The following UBE2D3 variants were observed in gnomAD, a reference collection of about 807,000 sequenced individuals.
The protein encoded by UBE2D3 is ubiquitin-conjugating enzyme E2 D3.
Under a neutral mutation model 22.8 loss-of-function variants are expected in UBE2D3, and 2 were observed. The ratio of observed to expected loss-of-function variants is 0.09; its 90% CI spans 0.04 to 0.28. The LOEUF is 0.28. UBE2D3 is among the 10% of genes least tolerant of loss of function. UBE2D3 has a pLI of 1.00. For missense variants in UBE2D3, 27 were observed against 182.5 expected (o/e 0.15, Z 4.91); for synonymous variants, 56 against 60.4 (o/e 0.93, Z 0.34).
chr4:102,825,498 C>G lies in UBE2D3; in HGVS notation c.24+987G>C, dbSNP rs1730313042. On this transcript the variant is annotated intron_variant, in intron 2 of 7. Coordinates refer to ENST00000453744, the MANE Select transcript of UBE2D3 (RefSeq NM_181891.3). ...TTCACATTATTACGAAAGGAGATGC[C>G]GGAAAGAGCCTGAACCAGTTAAAGC... 5 of 1,149,786 alleles carry G rather than the reference C, an allele frequency of 4.3e-6. No individual in the cohort carries two copies. In the South Asian group the frequency reaches 7.2e-5, roughly 16 times the overall value. 71.2% of individuals were successfully genotyped at this position (1,149,786 alleles called of 1,614,324 possible).
upstream of UBE2D3, chr4:102,828,230 G>A: frequency 2.0e-6 from 2 of 985,474 alleles, no homozygotes; most frequent in Non-Finnish European, 2.4e-6. Flanking sequence ...CGCCCAATCA[G>A]GAGCGTGTGG....
intron 7 of UBE2D3, chr4:102,799,002 T>C (rs1725694955): frequency 6.3e-7 from 1 of 1,598,004 alleles, no homozygotes; most frequent in Admixed American, 1.7e-5. Context: ...ACACTTAGCA[T>C]TAATTATAAC....
intron 7 of UBE2D3, among the ~76,000 whole-genome samples, chr4:102,797,893 A>G (rs575467652): frequency 6.6e-6 from 1 of 152,082 alleles, no homozygotes; most frequent in East Asian, 1.9e-4. Flanking sequence ...TCTGAATCCT[A>G]GAGTTTGGGA....
chr4:102,796,354 A>C lies in UBE2D3; in HGVS notation c.*1061T>G, dbSNP rs113275217. ...GGGCTGCCAGTATCATGTGCAGCAC[A>C]TTAAAGCTACACTATCCAAATAGCT... On this transcript the variant is annotated 3_prime_UTR_variant, in exon 8 of 8. Transcript: ENST00000453744. The C allele has an allele frequency of 2.6e-5, 4 of 152,448 alleles. No individual in the cohort carries two copies. Among genetic ancestry groups the C allele is most frequent in the African/African-American group, 9.7e-5 (4 of 41,428 alleles). The allele number at this position is 152,448 out of a possible 1,614,324, so 9.4% of individuals were successfully genotyped here.
chr4:102,825,806 T>C (rs1730369628), intron 2 of UBE2D3: 1 of 456,502 alleles, frequency 2.2e-6, no homozygotes, highest in Non-Finnish European at 4.4e-6. Context: ...GAATGCCTTT[T>C]ACATCAGTTC....
chr4:102,804,239 G>GC (rs978851401), intron 4 of UBE2D3, among the ~76,000 whole-genome samples: 1 of 152,118 alleles, frequency 6.6e-6, no homozygotes, highest in African/African-American at 2.4e-5. Flanking sequence ...TCAGCTCACT[G>GC]CAAGCGCCGC....
At chr4:102,805,640 A>G (rs1354242091) in intron 4 of UBE2D3, among the ~76,000 whole-genome samples, 1 of 152,062 alleles carries the variant, frequency 6.6e-6, no homozygotes, top group Non-Finnish European at 1.5e-5. Context: ...GGCATGTGCC[A>G]CTACACCCAG....
Position 102,848,800 on chromosome 4 carries a change from T to C in UBE2D3, c.-129+19915A>G, listed in dbSNP as rs149887589. 8.8e-3 allele frequency among the ~76,000 whole-genome samples: 1,333 copies of C among 151,040 alleles called. 13 individuals carry two copies. The highest frequency in any genetic ancestry group is 0.029 in the African/African-American group (1,213 of 41,134). ...CACCACTGCACTCCATTCTGGGCAA[T>C]AGAGTGAGACCTTGTCTCAAAAAAA... On this transcript the variant is annotated intron_variant, in intron 1 of 7. Transcript: ENST00000338145.
At chr4:102,827,807 G>A, upstream of UBE2D3, 1 of 986,458 alleles carries the variant, frequency 1.0e-6, no homozygotes, top group Non-Finnish European at 1.2e-6. Context: ...TGGGGGGAGG[G>A]TGAACGAGTG....
chr4:102,852,181 C>A (rs1166334977), intron 1 of UBE2D3, among the ~76,000 whole-genome samples: 1 of 152,158 alleles, frequency 6.6e-6, no homozygotes, highest in African/African-American at 2.4e-5. Context: ...GGAACTACCA[C>A]CTTAGGCCAT....
chr4:102,810,415 AT>A (rs151222359), intron 2 of UBE2D3: 65,331 of 129,136 alleles, frequency 0.51, 15,445 homozygotes, highest in African/African-American at 0.63. Flanking sequence ...AACTATTGAA[AT>A]TTTTTTTTTT....
upstream of UBE2D3, chr4:102,828,307 C>T (rs1730892690): frequency 1.2e-5 from 12 of 979,038 alleles, no homozygotes; most frequent in African/African-American, 1.7e-5. Flanking sequence ...TTGAGGTTTC[C>T]GGTGGAGCAG....
chr4:102,844,458 C>G (rs1170407083), intron 1 of UBE2D3, among the ~76,000 whole-genome samples: 1 of 152,200 alleles, frequency 6.6e-6, no homozygotes, highest in East Asian at 1.9e-4. Flanking sequence ...CAGACCTAAG[C>G]TGCTGTGTAG....
upstream of UBE2D3, chr4:102,827,652 G>C: frequency 1.0e-6 from 1 of 986,318 alleles, no homozygotes; most frequent in East Asian, 1.1e-4. Flanking sequence ...ACCGATGTGA[G>C]GCCGAAGCCA....
At position 102,860,348 on chromosome 4, in the gene UBE2D3, T is replaced by G. The variant is rs1017637002; in HGVS notation, c.-129+8367A>C. On this transcript the variant is annotated intron_variant, in intron 1 of 7. Transcript: ENST00000338145. ...TTGTCATGTTTTCTTGGTGTGTGTGTGTGTGTGTTCAACTGCTAGAACTTT... is the reference window on the plus strand; with the variant it reads ...TTGTCATGTTTTCTTGGTGTGTGTGGGTGTGTGTTCAACTGCTAGAACTTT... Among the ~76,000 whole-genome samples the G allele has an allele frequency of 4.0e-5, 6 of 148,560 alleles. No homozygotes were observed. In the Admixed American group the frequency reaches 4.0e-4, roughly 10 times the overall value.
At chr4:102,805,037 ATTTCAAT>A in intron 4 of UBE2D3, among the ~76,000 whole-genome samples, 1 of 152,158 alleles carries the variant, frequency 6.6e-6, no homozygotes, top group East Asian at 1.9e-4. Context: ...GTAAGCTTTC[ATTTCAAT>A]TTTCATAAAA....
chr4:102,799,752 G>A (rs764622304), intron 6 of UBE2D3, among the ~76,000 whole-genome samples: 1 of 147,278 alleles, frequency 6.8e-6, no homozygotes, highest in Non-Finnish European at 1.5e-5. Flanking sequence ...TCTAAGATAG[G>A]CAACTGATGC....
chr4:102,847,873 T>G (rs1732119086), intron 1 of UBE2D3, among the ~76,000 whole-genome samples: 1 of 152,120 alleles, frequency 6.6e-6, no homozygotes. Context: ...CTCAAACTCC[T>G]GGCTTCAAGA....
intron 1 of UBE2D3, chr4:102,843,176 A>G (rs1413052324): frequency 6.6e-6 from 1 of 152,236 alleles, no homozygotes; most frequent in Non-Finnish European, 1.5e-5. Flanking sequence ...ACCCAATGAT[A>G]TTAGAAGTTA....
Sources: gnomAD v4.1 joint callset for allele counts (sites outside exome capture counted in the v4.1 genomes callset) on GRCh38, gnomAD v4.1.1 for gene constraint, MANE v1.5 for transcripts, NCBI Gene and HGNC (gene_info 2026-07-23, HGNC 2026-07-21) for gene names.